SLC4A9: variants seen among roughly 807,000 people sequenced by gnomAD.
The protein encoded by SLC4A9 is anion exchange protein 4.
In SLC4A9, 102 loss-of-function variants were observed where a neutral mutation model predicts 103.2. The ratio of observed to expected loss-of-function variants is 0.99; its 90% CI spans 0.84 to 1.17. SLC4A9 has a LOEUF of 1.17. Ranked by LOEUF, SLC4A9 falls within the 50% of genes most tolerant of loss-of-function variation. The probability of loss-of-function intolerance (pLI) is 0.00; values close to 1 mark genes in which losing one functional copy is unlikely to be tolerated. For missense variants in SLC4A9, 1,091 were observed against 1,193.7 expected (o/e 0.91, Z 1.27); for synonymous variants, 453 against 483.6 (o/e 0.94, Z 0.83).
rs77010255 is a variant in SLC4A9, at chr5:140,364,810, T to C, written c.1651+185T>C. 9.7e-4 allele frequency among the ~76,000 whole-genome samples: 148 copies of C among 152,336 alleles called. 1 individual carries two copies. The highest frequency in any genetic ancestry group is 3.5e-3 in the African/African-American group (146 of 41,582). On this transcript the variant is annotated intron_variant, in intron 11 of 21. Coordinates refer to ENST00000506757, the MANE Select transcript of SLC4A9 (RefSeq NM_031467.3). ...AAATAAGACAACAGAAGGCCTGATA[T>C]CATCTTCCTTTCTGACAACACTGAT...
chr5:140,369,656 T>C (rs1165076427), intron 17 of SLC4A9, among the ~76,000 whole-genome samples: 1 of 151,824 alleles, frequency 6.6e-6, no homozygotes, highest in East Asian at 1.9e-4. Flanking sequence ...ATGGACCGGA[T>C]CAGCCACTTA....
intron 19 of SLC4A9, 138 bp downstream of exon 19, chr5:140,371,762 C>A: frequency 9.7e-7 from 1 of 1,034,552 alleles, no homozygotes; most frequent in African/African-American, 1.6e-5. Flanking sequence ...AATCCTAAGA[C>A]AAAGAAAAAG....
chr5:140,370,894 A>T, intron 17 of SLC4A9: 1 of 554,370 alleles, frequency 1.8e-6, no homozygotes, highest in South Asian at 2.5e-5. Context: ...CAATCTGTAA[A>T]ATGAAGGCAA....
chr5:140,360,913 T>C lies in SLC4A9; in HGVS notation c.332T>C (p.Leu111Pro). The C allele has an allele frequency of 6.2e-7, 1 of 1,606,212 alleles. No homozygotes were observed. The highest frequency in any genetic ancestry group is 1.3e-5 in the African/African-American group (1 of 74,944). Residue 111 changes from leucine to proline, a missense_variant, in exon 2 of 22, where the codon CTG becomes CCG. Transcript: ENST00000506757. ...ALPSLQKLRS[L>P]LAEGLVLLDC... is the part of the protein sequence containing the mutation. ...CCCAGCCTCCAGAAGCTCCGCAGCC[T>C]GCTGGCCGAGGGCCTTGTACTGCTG...
rs1214228311 is a variant in SLC4A9, at chr5:140,360,413, G to A, written c.177G>A (p.Gln59=). 4 of 1,597,318 alleles carry A rather than the reference G, an allele frequency of 2.5e-6. No homozygotes were observed. The highest frequency in any genetic ancestry group is 3.4e-6 in the Non-Finnish European group (4 of 1,171,794). Residue 59 remains glutamine (Q), a synonymous_variant, in exon 1 of 22, where the codon CAG becomes CAA. Coordinates refer to ENST00000506757, the MANE Select transcript of SLC4A9 (RefSeq NM_031467.3). ...GVPKDPLLFI[Q]LNELLGWPQA... ...CCAAAGACCCTCTGCTCTTCATTCA[G>A]CTGAATGAGCTGCTGGGCTGGCCCC...
rs1347425973 is a variant in SLC4A9 at position 140,365,978 on chromosome 5, A to G, written c.1855A>G (p.Met619Val). 1.2e-6 allele frequency: 2 copies of G among 1,613,708 alleles called. No individual in the cohort carries two copies. Among genetic ancestry groups the G allele is most frequent in the Admixed American group, 1.7e-5 (1 of 59,988 alleles). Residue 619 changes from methionine to valine, a missense_variant, in exon 13 of 22, where the codon ATG (methionine) becomes GTG (valine). Transcript: ENST00000506757. ...LLFLTSFFFA[M>V]ALKCVKTSRF... ...CTTCCTTACTTCTTTCTTCTTTGCT[A>G]TGGCCCTCAAGTGTGTAAAGACCAG...
At chr5:140,361,036 C>T (rs1581128107) in intron 2 of SLC4A9, 64 bp downstream of exon 2, 2 of 1,444,262 alleles carry the variant, frequency 1.4e-6, no homozygotes, top group South Asian at 2.7e-5. Context: ...GATTTCCCCT[C>T]CAAAGTCTTG....
At chr5:140,361,638 A>T (rs1046976811) in intron 3 of SLC4A9, among the ~76,000 whole-genome samples, 170 bp from the exon 4 acceptor site, 2 of 152,242 alleles carry the variant, frequency 1.3e-5, no homozygotes, top group Middle Eastern at 6.3e-3. Context: ...ACCACCCTGT[A>T]AATAGTACCA....
intron 17 of SLC4A9, 166 bp from the exon 18 acceptor site, chr5:140,370,929 G>A (rs1197951174): frequency 1.0e-5 from 6 of 588,906 alleles, no homozygotes; most frequent in Non-Finnish European, 1.8e-5. Context: ...TCATCTAATT[G>A]ATTTGAGGAT....
rs761076517 is a variant in SLC4A9, at chr5:140,363,841, C to A, written c.1193C>A (p.Ala398Asp). The change falls in exon 9 of 22, where the codon GCC becomes GAC. Residue 398 changes from alanine to aspartate, a missense_variant. By Grantham distance (126) the Ala-to-Asp change is moderately radical (BLOSUM62 -2). Transcript: ENST00000506757. The surrounding 1 kb of genome is among the most constrained non-coding windows in gnomAD (Gnocchi z 4.5). ...CFSAVLYIYL[A>D]TVTNAITFGG... ...TCGGCCGTACTCTACATTTACCTGG[C>A]CACTGTCACTAATGCCATCACTTTT... is the stretch of plus-strand genomic sequence containing the variant. The A allele has an allele frequency of 1.9e-6, 3 of 1,614,008 alleles. No homozygotes were observed. The highest frequency in any genetic ancestry group is 2.5e-6 in the Non-Finnish European group (3 of 1,179,886).
At chr5:140,362,871 C>G in intron 6 of SLC4A9, 41 bp from the exon 7 acceptor site, 3 of 1,613,024 alleles carry the variant, frequency 1.9e-6, no homozygotes, top group Non-Finnish European at 2.5e-6. Context: ...TGTAAGAGAC[C>G]AGGTTTGCAC....
chr5:140,360,327 C>T lies in SLC4A9; in HGVS notation c.91C>T (p.Pro31Ser). The change falls in exon 1 of 22, where the codon CCT becomes TCT. Residue 31 changes from proline (P) to serine (S), a missense_variant. Transcript: ENST00000506757. Reference sequence around the variant, plus strand: ...AGGGGAGCTGGACAGCAACCCTGACCCTGGCACCGGCCCCAGCCCTGATGG... The same window carrying T: ...AGGGGAGCTGGACAGCAACCCTGACTCTGGCACCGGCCCCAGCCCTGATGG... The part of the protein sequence containing the change: ...PSGELDSNPD[P>S]GTGPSPDGPS... 2 of 1,612,074 alleles carry T rather than the reference C, an allele frequency of 1.2e-6. No individual in the cohort carries two copies. Among genetic ancestry groups the T allele is most frequent in the South Asian group, 2.2e-5 (2 of 90,546 alleles).
intron 12 of SLC4A9, 74 bp from the exon 13 acceptor site, chr5:140,365,760 C>A: frequency 6.5e-7 from 1 of 1,527,880 alleles, no homozygotes; most frequent in Non-Finnish European, 8.9e-7. Context: ...TCCCTCCTCC[C>A]TTGAAGTTGG....
At chr5:140,373,129 CAAAAGAATGG>C (rs1174489893) in intron 21 of SLC4A9, among the ~76,000 whole-genome samples, 2 of 152,070 alleles carry the variant, frequency 1.3e-5, no homozygotes, top group Admixed American at 6.5e-5. Flanking sequence ...GGTGCCCTGG[CAAAAGAATGG>C]GAAAGAGTGG....
rs377353835 is a variant in SLC4A9, at chr5:140,364,600, C to A, written c.1626C>A (p.Cys542Ter). 1.2e-6 allele frequency: 2 copies of A among 1,601,254 alleles called. No homozygotes were observed. The highest frequency in any genetic ancestry group is 1.3e-5 in the African/African-American group (1 of 74,696). The change falls in exon 11 of 22, where the codon TGC (cysteine) becomes TGA (stop). Residue 542 changes from cysteine (C) to a stop codon, truncating the protein, a stop_gained. Coordinates refer to ENST00000506757, the MANE Select transcript of SLC4A9 (RefSeq NM_031467.3). LOFTEE classifies it high-confidence loss of function. ...IQKPGSSAYG[C>*]LCQYPGPGGN... ...AGCCTGGGTCCTCTGCCTACGGGTGCCTCTGCCAATACCCAGGCCCAGGAG... is the reference window on the plus strand; with the variant it reads ...AGCCTGGGTCCTCTGCCTACGGGTGACTCTGCCAATACCCAGGCCCAGGAG...
At chr5:140,373,308 AT>A (rs1769006382) in intron 21 of SLC4A9, among the ~76,000 whole-genome samples, 2 of 152,158 alleles carry the variant, frequency 1.3e-5, no homozygotes, top group South Asian at 4.2e-4. Flanking sequence ...TATATCAAGC[AT>A]TTTCTGAGTA....
In SLC4A9 at chr5:140,363,777, C is replaced by T. The variant is rs1228904640; in HGVS notation, c.1129C>T (p.Pro377Ser). The T allele has an allele frequency of 1.2e-6, 2 of 1,613,912 alleles. No homozygotes were observed. The highest frequency in any genetic ancestry group is 1.7e-5 in the Admixed American group (1 of 60,016). Reference sequence around the variant, plus strand: ...CGTGCGCAGGAAGGTCCCGTGGTACCCCAGCGATTTCTTGGACGCCCTGCA... The same window carrying T: ...CGTGCGCAGGAAGGTCCCGTGGTACTCCAGCGATTTCTTGGACGCCCTGCA... The part of the protein sequence containing the change: ...QDVRRKVPWY[P>S]SDFLDALHLQ... The change falls in exon 9 of 22, where the codon CCC (proline) becomes TCC (serine). Residue 377 changes from proline to serine, a missense_variant. By Grantham distance (74) the Pro-to-Ser change is moderately conservative. Coordinates refer to ENST00000506757, the MANE Select transcript of SLC4A9 (RefSeq NM_031467.3). The surrounding 1 kb of genome is among the most constrained non-coding windows in gnomAD (Gnocchi z 4.5).
intron 2 of SLC4A9, 97 bp from the exon 3 acceptor site, chr5:140,361,157 A>G (rs1767017657): frequency 7.9e-7 from 1 of 1,262,914 alleles, no homozygotes; most frequent in Non-Finnish European, 1.1e-6. Context: ...GCATTCTGAG[A>G]CTCCCAGAAG....
chr5:140,371,834 A>G (rs570071592), intron 19 of SLC4A9, among the ~76,000 whole-genome samples: 13 of 152,270 alleles, frequency 8.5e-5, no homozygotes, highest in African/African-American at 2.6e-4. Flanking sequence ...TCTTTTCCCA[A>G]CCTCTTTGGA....
Sources: gnomAD v4.1 joint callset for allele counts (sites outside exome capture counted in the v4.1 genomes callset) on GRCh38, gnomAD v4.1.1 for gene constraint, Gnocchi (gnomAD v3.1) non-coding constraint, MANE v1.5 for transcripts, NCBI Gene and HGNC (gene_info 2026-07-23, HGNC 2026-07-21) for gene names.